RNF144B: variants seen among roughly 807,000 people sequenced by gnomAD.
RNF144B encodes the protein E3 ubiquitin-protein ligase RNF144B.
In RNF144B, 25 loss-of-function variants were observed where a neutral mutation model predicts 40.2. That is an observed-to-expected ratio of 0.62 (90% CI 0.45 to 0.87). The LOEUF (loss-of-function observed/expected upper bound fraction) is 0.87. RNF144B is among the 40% of genes least tolerant of loss of function. The pLI is 0.00. For missense variants in RNF144B, 365 were observed against 373.7 expected, an observed-to-expected ratio of 0.98 and a Z score of 0.19; for synonymous variants, 145 against 136.3, an observed-to-expected ratio of 1.06 and a Z score of -0.44.
Position 18,447,889 on chromosome 6 carries a change from G to A in RNF144B, c.331+8145G>A, listed in dbSNP as rs1339632489. 1.3e-5 allele frequency among the ~76,000 whole-genome samples: 2 copies of A among 152,166 alleles called. No homozygotes were observed. Among genetic ancestry groups the A allele is most frequent in the African/African-American group, 2.4e-5 (1 of 41,444 alleles). ...AGAGGTGGATCTGGCAAAGGAGATTGACAAAGGATGGCCAGAAATATGAAT... is the reference window on the plus strand; with the variant it reads ...AGAGGTGGATCTGGCAAAGGAGATTAACAAAGGATGGCCAGAAATATGAAT... On this transcript the variant is annotated intron_variant, in intron 4 of 7. Coordinates refer to ENST00000259939, the MANE Select transcript of RNF144B (RefSeq NM_182757.4). The surrounding 1 kb of genome is among the most constrained non-coding windows in gnomAD (Gnocchi z 5.6).
At chr6:18,404,227 A>AG (rs1157632722) in intron 2 of RNF144B, among the ~76,000 whole-genome samples, 2 of 152,232 alleles carry the variant, frequency 1.3e-5, no homozygotes, top group African/African-American at 2.4e-5. Context: ...TACCTGCATT[A>AG]GGAGAAAGTA....
intron 3 of RNF144B, among the ~76,000 whole-genome samples, chr6:18,431,418 C>G (rs1049812333): frequency 1.3e-5 from 2 of 152,008 alleles, no homozygotes; most frequent in African/African-American, 4.8e-5. Flanking sequence ...AAGTAAATAC[C>G]ACACACATGA....
intron 1 of RNF144B, among the ~76,000 whole-genome samples, chr6:18,391,800 G>A (rs1417737788): frequency 1.7e-4 from 25 of 146,306 alleles, no homozygotes; most frequent in Middle Eastern, 4.0e-3. Flanking sequence ...CCCAGGAGGC[G>A]GAGCTTGCAG....
chr6:18,432,511 G>T (rs1253734031), intron 3 of RNF144B, among the ~76,000 whole-genome samples: 2 of 152,346 alleles, frequency 1.3e-5, no homozygotes, highest in Admixed American at 6.5e-5. Context: ...ATGAAATTAT[G>T]AGAGGCAGGA....
rs563850737 is a variant in RNF144B, at chr6:18,412,594, A to G, written c.165+12895A>G. Among the ~76,000 whole-genome samples, 26 of 152,254 alleles carry G rather than the reference A, an allele frequency of 1.7e-4. No individual in the cohort carries two copies. In the South Asian group the frequency reaches 5.4e-3, roughly 32 times the overall value. ...CATGTCCAGTGACAAAATGTTACTAAGTAGGTAAAGGAGGTTTAAAAAATT... is the reference window on the plus strand; with the variant it reads ...CATGTCCAGTGACAAAATGTTACTAGGTAGGTAAAGGAGGTTTAAAAAATT... On this transcript the variant is annotated intron_variant, in intron 2 of 7. Coordinates refer to ENST00000259939, the MANE Select transcript of RNF144B (RefSeq NM_182757.4). This position sits in a 1 kb window ranked among gnomAD's most constrained non-coding sequence, Gnocchi z 4.2.
At chr6:18,404,579 A>G (rs1794857769) in intron 2 of RNF144B, among the ~76,000 whole-genome samples, 1 of 152,126 alleles carries the variant, frequency 6.6e-6, no homozygotes, top group Non-Finnish European at 1.5e-5. Context: ...GGTAATTACA[A>G]CCTCACTGCT....
intron 6 of RNF144B, among the ~76,000 whole-genome samples, chr6:18,462,600 C>T (rs1438283459): frequency 6.6e-6 from 1 of 152,130 alleles, no homozygotes; most frequent in Non-Finnish European, 1.5e-5. Context: ...AATGAACAGA[C>T]CATTAGATAG....
intron 1 of RNF144B, among the ~76,000 whole-genome samples, chr6:18,392,557 T>G (rs1794606049): frequency 1.3e-5 from 2 of 152,154 alleles, no homozygotes; most frequent in African/African-American, 4.8e-5. Context: ...AAAGTTGTGA[T>G]CTCATTGCCA....
intron 7 of RNF144B, among the ~76,000 whole-genome samples, chr6:18,463,988 A>G (rs1023474832): frequency 6.6e-5 from 10 of 152,122 alleles, no homozygotes; most frequent in South Asian, 2.1e-4. Flanking sequence ...CCATGATTCA[A>G]TTATCTCCAC....
Position 18,457,034 on chromosome 6 carries a change from C to G in RNF144B, c.332-121C>G. 7 of 846,116 alleles carry G rather than the reference C, an allele frequency of 8.3e-6. No homozygotes were observed. Among genetic ancestry groups the G allele is most frequent in the Non-Finnish European group, 1.4e-5 (7 of 498,706 alleles). 52.4% of individuals were successfully genotyped at this position (846,116 alleles called of 1,614,324 possible). ...TGAAATCATGCCACTGTACTCCAGC[C>G]TGGGCGACAGAGTGAGACTCTGGTT... On this transcript the variant is annotated intron_variant, in intron 4 of 7. Coordinates refer to ENST00000259939, the MANE Select transcript of RNF144B (RefSeq NM_182757.4). The surrounding 1 kb of genome is among the most constrained non-coding windows in gnomAD (Gnocchi z 5.1).
In RNF144B at chr6:18,460,521, A is replaced by G. The variant is rs904405593; in HGVS notation, c.681+770A>G. Among the ~76,000 whole-genome samples, 7 of 152,174 alleles carry G rather than the reference A, an allele frequency of 4.6e-5. No individual in the cohort carries two copies. Among genetic ancestry groups the G allele is most frequent in the African/African-American group, 1.4e-4 (6 of 41,434 alleles). On this transcript the variant is annotated intron_variant, in intron 6 of 7. Coordinates refer to ENST00000259939, the MANE Select transcript of RNF144B (RefSeq NM_182757.4). This position sits in a 1 kb window ranked among gnomAD's most constrained non-coding sequence, Gnocchi z 4.4. Reference sequence around the variant, plus strand: ...TTGGGAGGTAGTTATTCTGCCTACCACTATTAGATTTTTTCTTCGTTTTGA... The same window carrying G: ...TTGGGAGGTAGTTATTCTGCCTACCGCTATTAGATTTTTTCTTCGTTTTGA...
Position 18,464,788 on chromosome 6 carries a change from A to G in RNF144B, c.772-139A>G, listed in dbSNP as rs778272355. ...AGGCCTCGTCTCCAAATACCGTCAC[A>G]TCGGGGATTTAGGGTTTCAACATAT... On this transcript the variant is annotated intron_variant, in intron 7 of 7. Transcript: ENST00000259939. The surrounding 1 kb of genome is among the most constrained non-coding windows in gnomAD (Gnocchi z 6.1). The G allele has an allele frequency of 1.1e-5, 9 of 805,984 alleles. No homozygotes were observed. The highest frequency in any genetic ancestry group is 3.6e-5 in the South Asian group (2 of 55,576). 49.9% of individuals were successfully genotyped at this position (805,984 alleles called of 1,614,324 possible).
intron 2 of RNF144B, among the ~76,000 whole-genome samples, chr6:18,421,745 G>A (rs115898931): frequency 0.011 from 1,642 of 152,198 alleles, 32 homozygotes; most frequent in African/African-American, 0.037. Context: ...ACCTTTGCAC[G>A]CAGTTTGAAA....
chr6:18,394,801 A>G (rs1794660631), intron 1 of RNF144B, among the ~76,000 whole-genome samples: 1 of 152,328 alleles, frequency 6.6e-6, no homozygotes, highest in Middle Eastern at 3.4e-3. Flanking sequence ...CCTATCAGAT[A>G]GTACTTGCTT....
At chr6:18,452,366 T>C (rs773429131) in intron 4 of RNF144B, among the ~76,000 whole-genome samples, 1 of 152,138 alleles carries the variant, frequency 6.6e-6, no homozygotes, top group Non-Finnish European at 1.5e-5. Flanking sequence ...TTAAGGCATG[T>C]GCACAATAGA....
chr6:18,390,969 G>A (rs1190188617), intron 1 of RNF144B, among the ~76,000 whole-genome samples: 1 of 152,190 alleles, frequency 6.6e-6, no homozygotes, highest in East Asian at 1.9e-4. Flanking sequence ...CTTTGCTCAG[G>A]TGGGGTGAAG....
In RNF144B at chr6:18,418,194, A is replaced by T. The variant is rs1263959972; in HGVS notation, c.166-9387A>T. Among the ~76,000 whole-genome samples, 1 of 152,212 alleles carries T rather than the reference A, an allele frequency of 6.6e-6. No homozygotes were observed. The highest frequency in any genetic ancestry group is 1.9e-4 in the East Asian group (1 of 5,198). On this transcript the variant is annotated intron_variant, in intron 2 of 7. Coordinates refer to ENST00000259939, the MANE Select transcript of RNF144B (RefSeq NM_182757.4). This position sits in a 1 kb window ranked among gnomAD's most constrained non-coding sequence, Gnocchi z 5.2. ...TCATCTAGCAGTTCCTCAAAAGGCA[A>T]AGATAGAGTTACCATATACCATACC...
In RNF144B at chr6:18,416,516, CTTGG is replaced by C. The variant is rs1795151715; in HGVS notation, c.166-11059_166-11056del. On this transcript the variant is annotated intron_variant, in intron 2 of 7. Coordinates refer to ENST00000259939, the MANE Select transcript of RNF144B (RefSeq NM_182757.4). This position sits in a 1 kb window ranked among gnomAD's most constrained non-coding sequence, Gnocchi z 5.5. ...ATAAAGATAGACGTGTTTGATCACT[CTTGG>C]TTGGTGGGAACTGGAGGTACTTTTG... Among the ~76,000 whole-genome samples, 1 of 152,146 alleles carries C rather than the reference CTTGG, an allele frequency of 6.6e-6. No homozygotes were observed. The highest frequency in any genetic ancestry group is 1.5e-5 in the Non-Finnish European group (1 of 68,014).
At chr6:18,401,657 G>A (rs1794804319) in intron 2 of RNF144B, among the ~76,000 whole-genome samples, 1 of 152,138 alleles carries the variant, frequency 6.6e-6, no homozygotes. Context: ...CTTAAAATGT[G>A]TCTAATACTT....
Sources: gnomAD v4.1 joint callset for allele counts (sites outside exome capture counted in the v4.1 genomes callset) on GRCh38, gnomAD v4.1.1 for gene constraint, Gnocchi (gnomAD v3.1) non-coding constraint, MANE v1.5 for transcripts, NCBI Gene and HGNC (gene_info 2026-07-23, HGNC 2026-07-21) for gene names.